MSANTD4: variants seen among roughly 807,000 people sequenced by gnomAD.
The protein encoded by MSANTD4 is Myb/SANT DNA binding domain containing 4 with coiled-coils.
In MSANTD4, 13 loss-of-function variants were observed where a neutral mutation model predicts 34.3. The ratio of observed to expected loss-of-function variants is 0.38; its 90% CI spans 0.25 to 0.60. The LOEUF (loss-of-function observed/expected upper bound fraction) is 0.60. MSANTD4 is among the 20% of genes least tolerant of loss of function. The pLI, the probability that MSANTD4 is intolerant of heterozygous loss-of-function variation, is 0.63. For missense variants in MSANTD4, 358 were observed against 401.8 expected (o/e 0.89, Z 0.93); for synonymous variants, 137 against 145.2 (o/e 0.94, Z 0.41).
rs1859639679 is a variant in MSANTD4, at chr11:106,009,915, C to G, written c.658G>C (p.Asp220His). The G allele has an allele frequency of 1.2e-6, 2 of 1,613,700 alleles. No homozygotes were observed. The highest frequency in any genetic ancestry group is 1.7e-6 in the Non-Finnish European group (2 of 1,179,980). Reference protein sequence around the residue: ...QKLELEKRRLDIEAERLQVEK... With the variant: ...QKLELEKRRLHIEAERLQVEK... ...ACCTGCAGCCTTTCGGCCTCGATATCCAGTCGTCGTTTTTCCAACTCTAGT... is the reference window on the plus strand; with the variant it reads ...ACCTGCAGCCTTTCGGCCTCGATATGCAGTCGTCGTTTTTCCAACTCTAGT... The change falls in exon 3 of 3, where the codon GAT becomes CAT. Residue 220 changes from aspartate to histidine, a missense_variant. This residue lies in a region of MSANTD4 where 312 missense variants were observed against 317.6 expected (regional missense o/e 0.98). Coordinates refer to ENST00000301919, the MANE Select transcript of MSANTD4 (RefSeq NM_032424.3).
chr11:106,012,078 G>A (rs1859711004), intron 1 of MSANTD4, among the ~76,000 whole-genome samples: 3 of 148,598 alleles, frequency 2.0e-5, no homozygotes, highest in Non-Finnish European at 4.4e-5. Flanking sequence ...ATTTTACCCA[G>A]CCATCCCACC....
rs1859594294 is a variant in MSANTD4 at position 106,008,604 on chromosome 11, T to C, written c.*931A>G. 6.6e-6 allele frequency: 1 copy of C among 152,202 alleles called. No homozygotes were observed. The highest frequency in any genetic ancestry group is 2.4e-5 in the African/African-American group (1 of 41,454). The allele number at this position is 152,202 out of a possible 1,614,324, so 9.4% of individuals were successfully genotyped here. On this transcript the variant is annotated 3_prime_UTR_variant, in exon 3 of 3. Coordinates refer to ENST00000301919, the MANE Select transcript of MSANTD4 (RefSeq NM_032424.3). ...CAATCAGTCATTGGGTTCAAGCTCATGGACTACAAGTACCATTTTTATACT... is the reference window on the plus strand; with the variant it reads ...CAATCAGTCATTGGGTTCAAGCTCACGGACTACAAGTACCATTTTTATACT...
chr11:106,015,189 A>G (rs535676813), intron 1 of MSANTD4, among the ~76,000 whole-genome samples: 1 of 152,338 alleles, frequency 6.6e-6, no homozygotes, highest in Non-Finnish European at 1.5e-5. Context: ...CAAAAGAGGT[A>G]GTGTGTGTAG....
At position 106,008,422 on chromosome 11, in the gene MSANTD4, C is replaced by T. The variant is rs1205558240; in HGVS notation, c.*1113G>A. 3 of 152,154 alleles carry T rather than the reference C, an allele frequency of 2.0e-5. No individual in the cohort carries two copies. The highest frequency in any genetic ancestry group is 4.4e-5 in the Non-Finnish European group (3 of 68,012). 9.4% of individuals were successfully genotyped at this position (152,154 alleles called of 1,614,324 possible). The stretch of plus-strand genomic sequence containing the variant: ...ACAGATACAACTCTCAAGAATTGTT[C>T]TACATATTAGGTTAGATAGTGTAAT... On this transcript the variant is annotated 3_prime_UTR_variant, in exon 3 of 3. Transcript: ENST00000301919.
chr11:106,009,685 C>G lies in MSANTD4; in HGVS notation c.888G>C (p.Glu296Asp), dbSNP rs748248717. ...SMLQPQDIETEKLKLERERLQ... is the reference protein window; with the variant it reads ...SMLQPQDIETDKLKLERERLQ... ...AGCGTTCTCGCTCAAGTTTTAACTT[C>G]TCTGTTTCTATGTCCTGTGGTTGAA... Residue 296 changes from glutamate (E) to aspartate (D), a missense_variant, in exon 3 of 3, where the codon GAG (glutamate) becomes GAC (aspartate). This residue lies in a region of MSANTD4 where 312 missense variants were observed against 317.6 expected (regional missense o/e 0.98). Transcript: ENST00000301919. The G allele has an allele frequency of 6.2e-7, 1 of 1,614,172 alleles. No individual in the cohort carries two copies. The highest frequency in any genetic ancestry group is 1.1e-5 in the South Asian group (1 of 91,084).
chr11:106,010,196 C>T (rs1443673582), intron 2 of MSANTD4, 86 bp from the exon 3 acceptor site: 4 of 1,321,710 alleles, frequency 3.0e-6, no homozygotes, highest in African/African-American at 1.5e-5. Context: ...CTTTCTGCGT[C>T]GTTTGGGGAA....
At chr11:106,012,110 AG>A (rs1859712108) in intron 1 of MSANTD4, among the ~76,000 whole-genome samples, 1 of 149,970 alleles carries the variant, frequency 6.7e-6, no homozygotes, top group Non-Finnish European at 1.5e-5. Flanking sequence ...GTAAGTAAAA[AG>A]ATCAACAAAA....
Position 106,010,486 on chromosome 11 carries a change from T to A in MSANTD4, c.432A>T (p.Glu144Asp). Residue 144 changes from glutamate (E) to aspartate (D), a missense_variant, in exon 2 of 3, where the codon GAA (glutamate) becomes GAT (aspartate). Physicochemically the swap from Glu to Asp is conservative, Grantham distance 45. This residue lies in a region of MSANTD4 where 312 missense variants were observed against 317.6 expected (regional missense o/e 0.98). Transcript: ENST00000301919. ...GACTCTGCGGATCCCTTTCTTCCTC[T>A]TCCACCTTGACCTCAGTTAAGGATC... Reference protein sequence around the residue: ...AGGSLTEVKVEEEERDPQSPE... With the variant: ...AGGSLTEVKVDEEERDPQSPE... 1 of 1,613,978 alleles carries A rather than the reference T, an allele frequency of 6.2e-7. No individual in the cohort carries two copies. Among genetic ancestry groups the A allele is most frequent in the Non-Finnish European group, 8.5e-7 (1 of 1,179,932 alleles).
chr11:106,009,323 A>C lies in MSANTD4; in HGVS notation c.*212T>G. 2.0e-6 allele frequency: 1 copy of C among 503,002 alleles called. No individual in the cohort carries two copies. Among genetic ancestry groups the C allele is most frequent in the Admixed American group, 3.5e-5 (1 of 28,198 alleles). The allele number at this position is 503,002 out of a possible 1,614,324, so 31.2% of individuals were successfully genotyped here. ...CTCTATGTAATATTATAAGGTAAAG[A>C]GTCCAGCACAGTAAGTTTCTGCTAT... On this transcript the variant is annotated 3_prime_UTR_variant, in exon 3 of 3. Coordinates refer to ENST00000301919, the MANE Select transcript of MSANTD4 (RefSeq NM_032424.3).
chr11:106,016,099 C>T (rs1042284365), intron 1 of MSANTD4, among the ~76,000 whole-genome samples: 3 of 152,156 alleles, frequency 2.0e-5, no homozygotes, highest in Non-Finnish European at 2.9e-5. Flanking sequence ...CTCAGGTGAT[C>T]CTCCTGCCTT....
At chr11:106,011,340 C>G (rs1859683567) in intron 1 of MSANTD4, among the ~76,000 whole-genome samples, 1 of 152,174 alleles carries the variant, frequency 6.6e-6, no homozygotes, top group Admixed American at 6.6e-5. Context: ...TTCTCCCTCT[C>G]TCCTCCAATT....
Position 106,009,954 on chromosome 11 carries a change from T to G in MSANTD4, c.619A>C (p.Ile207Leu). The G allele has an allele frequency of 6.2e-7, 1 of 1,613,144 alleles. No individual in the cohort carries two copies. Among genetic ancestry groups the G allele is most frequent in the Middle Eastern group, 1.6e-4 (1 of 6,062 alleles). ...TCCAACTCTAGTTTCTGTTTCTCAA[T>G]ATTTACGAGCAAATGAGGCTCATCA... is the stretch of plus-strand genomic sequence containing the variant. ...AYDEPHLLVNIEKQKLELEKR... is the reference protein window; with the variant it reads ...AYDEPHLLVNLEKQKLELEKR... Residue 207 changes from isoleucine (I) to leucine (L), a missense_variant, in exon 3 of 3, where the codon ATT becomes CTT. Physicochemically the swap from Ile to Leu is conservative, Grantham distance 5 (BLOSUM62 2). Transcript: ENST00000301919.
At chr11:106,022,252 C>T (rs1591525678), upstream of MSANTD4, 1 of 152,642 alleles carries the variant, frequency 6.6e-6, no homozygotes, top group East Asian at 1.9e-4. Context: ...AAAAAAGATG[C>T]TTCATTGATC....
intron 1 of MSANTD4, among the ~76,000 whole-genome samples, chr11:106,012,199 AT>A (rs1565388485): frequency 1.3e-5 from 2 of 151,950 alleles, no homozygotes; most frequent in Non-Finnish European, 2.9e-5. Flanking sequence ...CACCAAAAAA[AT>A]TTTTTAGATT....
intron 1 of MSANTD4, among the ~76,000 whole-genome samples, chr11:106,011,455 G>A (rs574235470): frequency 5.7e-4 from 86 of 152,036 alleles, no homozygotes; most frequent in Non-Finnish European, 9.9e-4. Context: ...CTCCCTTCTC[G>A]GTCTATTTTA....
At chr11:106,016,340 A>C (rs1859848293) in intron 1 of MSANTD4, among the ~76,000 whole-genome samples, 1 of 152,224 alleles carries the variant, frequency 6.6e-6, no homozygotes, top group Admixed American at 6.5e-5. Context: ...AAAGTGATTT[A>C]CACACATCAT....
intron 1 of MSANTD4, among the ~76,000 whole-genome samples, chr11:106,014,331 C>T (rs1859783906): frequency 6.6e-6 from 1 of 152,190 alleles, no homozygotes; most frequent in African/African-American, 2.4e-5. Context: ...GTTTCCACTG[C>T]AGAGCCCCCA....
At position 106,021,517 on chromosome 11, in the gene MSANTD4, T is replaced by C. The variant is rs924745890; in HGVS notation, c.-706A>G. 6.6e-6 allele frequency: 1 copy of C among 152,064 alleles called. No homozygotes were observed. The highest frequency in any genetic ancestry group is 2.4e-5 in the African/African-American group (1 of 41,384). The allele number at this position is 152,064 out of a possible 1,614,324, so 9.4% of individuals were successfully genotyped here. A position where few individuals can be genotyped will look rare whatever the true frequency, so the allele number is the denominator to read the frequency against. ...ACGGCAAGTTCCGGATCAAAAAAAT[T>C]TGAGGGTAAATTAGTTAAGCAGTTC... On this transcript the variant is annotated 5_prime_UTR_variant, in exon 1 of 3. Transcript: ENST00000301919.
At chr11:106,019,033 A>C (rs1328306078) in intron 1 of MSANTD4, among the ~76,000 whole-genome samples, 2 of 152,218 alleles carry the variant, frequency 1.3e-5, no homozygotes, top group African/African-American at 2.4e-5. Flanking sequence ...ATTGCACTTA[A>C]GAGGTAAGTT....
Sources: allele counts gnomAD v4.1 joint callset (sites outside exome capture counted in the v4.1 genomes callset), GRCh38; gene constraint gnomAD v4.1.1; regional missense constraint gnomAD v4.1.1; transcripts MANE v1.5; gene names NCBI Gene and HGNC (gene_info 2026-07-23, HGNC 2026-07-21).